Variants in FHOD3 observed in about 807,000 individuals in gnomAD.
FHOD3 encodes formin homology 2 domain containing 3, also known as FH1/FH2 domain-containing protein 3.
FHOD3 carries 90 observed loss-of-function variants against 173.0 expected under a neutral mutation model. The ratio of observed to expected loss-of-function variants is 0.52; its 90% CI spans 0.44 to 0.62. The LOEUF is 0.62. Among genes scored for constraint, FHOD3 ranks in the 20% least tolerant of loss-of-function variants. FHOD3 has a pLI of 0.00. For missense variants in FHOD3, 1,945 were observed against 2,034.7 expected (o/e 0.96, Z 0.85); for synonymous variants, 828 against 823.0 (o/e 1.01, Z -0.10).
At chr18:36,648,102 A>G (rs1166764424) in intron 10 of FHOD3, among the ~76,000 whole-genome samples, 1 of 152,240 alleles carries the variant, frequency 6.6e-6, no homozygotes, top group Non-Finnish European at 1.5e-5. Flanking sequence ...ACTGAAAGCA[A>G]GAAGATGCTG....
intron 10 of FHOD3, among the ~76,000 whole-genome samples, chr18:36,630,355 A>G (rs1310666932): frequency 6.6e-6 from 1 of 151,780 alleles, no homozygotes; most frequent in South Asian, 2.1e-4. Flanking sequence ...GGGCTACTAC[A>G]TGGTTTACAG....
In FHOD3 at chr18:36,388,453, C is replaced by T. The variant is rs191802596; in HGVS notation, c.337+15709C>T. On this transcript the variant is annotated intron_variant, in intron 3 of 28. Transcript: ENST00000590592. ...GGCCATAGCTAGCGCCAGTTGTGTT[C>T]ATGTCCATCTTGCCTTCTTTGCAGC... Among the ~76,000 whole-genome samples the T allele has an allele frequency of 1.3e-3, 195 of 152,354 alleles. 2 individuals carry two copies. The highest frequency in any genetic ancestry group is 4.4e-3 in the African/African-American group (183 of 41,590).
At chr18:36,692,045 G>T (rs62084014) in intron 16 of FHOD3, among the ~76,000 whole-genome samples, 24,395 of 152,196 alleles carry the variant, frequency 0.16, 2,080 homozygotes, top group Non-Finnish European at 0.18. Flanking sequence ...GGTGGTCAAG[G>T]CAGCCTTCCT....
chr18:36,509,972 C>T (rs532312461), intron 4 of FHOD3, among the ~76,000 whole-genome samples: 63 of 152,304 alleles, frequency 4.1e-4, no homozygotes, highest in Non-Finnish European at 8.5e-4. Context: ...CACAGGGCAG[C>T]GATGCATGGG....
rs144330419 is a variant in FHOD3 at position 36,418,870 on chromosome 18, C to T, written c.337+46126C>T. On this transcript the variant is annotated intron_variant, in intron 3 of 28. Coordinates refer to ENST00000590592, the MANE Select transcript of FHOD3 (RefSeq NM_001281740.3). ...CAGAGGTTGCAATGAGCCGAGATCG[C>T]GCCATTGCACTCCAGCCTGGGCGAC... Among the ~76,000 whole-genome samples, 68 of 152,134 alleles carry T rather than the reference C, an allele frequency of 4.5e-4. No homozygotes were observed. The East Asian group carries it at 0.011, about 24-fold the overall frequency.
chr18:36,470,020 T>G (rs1449189694), intron 3 of FHOD3, among the ~76,000 whole-genome samples: 1 of 152,136 alleles, frequency 6.6e-6, no homozygotes, highest in Non-Finnish European at 1.5e-5. Flanking sequence ...CCTAGAAGTT[T>G]AGGAAATTGG....
intron 5 of FHOD3, among the ~76,000 whole-genome samples, chr18:36,526,962 T>C (rs2056547363): frequency 1.3e-5 from 2 of 152,252 alleles, no homozygotes; most frequent in Admixed American, 6.5e-5. Context: ...GAACCAAGAA[T>C]AGCTGAACCT....
At chr18:36,684,756 G>C (rs1219456111) in intron 15 of FHOD3, among the ~76,000 whole-genome samples, 3 of 152,106 alleles carry the variant, frequency 2.0e-5, no homozygotes, top group African/African-American at 7.2e-5. Context: ...TCGTGTCATC[G>C]GAGTCCCAGA....
At chr18:36,420,103 C>G (rs990895036) in intron 3 of FHOD3, among the ~76,000 whole-genome samples, 4 of 152,164 alleles carry the variant, frequency 2.6e-5, no homozygotes, top group African/African-American at 7.2e-5. Flanking sequence ...GAATGCGGAG[C>G]CTGGAAAGGG....
chr18:36,747,709 A>C (rs2042214160), intron 24 of FHOD3, among the ~76,000 whole-genome samples: 1 of 152,188 alleles, frequency 6.6e-6, no homozygotes, highest in East Asian at 1.9e-4. Flanking sequence ...TGTTGTGCCC[A>C]CAAGGAGAAT....
At chr18:36,472,928 G>T (rs765057595) in intron 3 of FHOD3, among the ~76,000 whole-genome samples, 2 of 152,166 alleles carry the variant, frequency 1.3e-5, no homozygotes, top group Non-Finnish European at 2.9e-5. Context: ...TGTGATTGTT[G>T]TGAGCACTTT....
At chr18:36,368,785 A>C (rs2047023749) in intron 2 of FHOD3, among the ~76,000 whole-genome samples, 2 of 152,176 alleles carry the variant, frequency 1.3e-5, no homozygotes, top group African/African-American at 4.8e-5. Context: ...GTGGCAGGTG[A>C]GAGTGAGTGA....
Position 36,772,644 on chromosome 18 carries a change from G to A in FHOD3, c.4786+3218G>A, listed in dbSNP as rs180821474. ...GTGACTGAGCCCACACATGCCGAACGTCCCACTGAAGCCTGAACTTTGCAG... is the reference window on the plus strand; with the variant it reads ...GTGACTGAGCCCACACATGCCGAACATCCCACTGAAGCCTGAACTTTGCAG... On this transcript the variant is annotated intron_variant, in intron 28 of 28. Transcript: ENST00000590592. Among the ~76,000 whole-genome samples, 7 of 152,332 alleles carry A rather than the reference G, an allele frequency of 4.6e-5. No homozygotes were observed. The East Asian group carries it at 1.2e-3, about 25-fold the overall frequency.
chr18:36,430,284 T>C (rs557940080), intron 3 of FHOD3, among the ~76,000 whole-genome samples: 1 of 152,352 alleles, frequency 6.6e-6, no homozygotes, highest in South Asian at 2.1e-4. Flanking sequence ...TGGCACGATC[T>C]TGGCTCACCA....
At chr18:36,337,768 C>G (rs1020352955) in intron 1 of FHOD3, among the ~76,000 whole-genome samples, 1 of 152,156 alleles carries the variant, frequency 6.6e-6, no homozygotes, top group Non-Finnish European at 1.5e-5. Context: ...TTAATTATAG[C>G]TCACACCAAC....
intron 3 of FHOD3, among the ~76,000 whole-genome samples, chr18:36,434,511 GT>G (rs2050714637): frequency 1.3e-5 from 2 of 152,030 alleles, no homozygotes; most frequent in Admixed American, 1.3e-4. Context: ...CAAATTCTTT[GT>G]CAAAATTATT....
At chr18:36,760,510 C>A in intron 26 of FHOD3, 98 bp from the exon 27 acceptor site, 1 of 1,171,460 alleles carries the variant, frequency 8.5e-7, no homozygotes, top group Non-Finnish European at 1.2e-6. Context: ...CAAAACAAGA[C>A]AGAGGAGAGG....
chr18:36,750,794 AG>A (rs748354307), intron 24 of FHOD3, among the ~76,000 whole-genome samples: 69 of 152,202 alleles, frequency 4.5e-4, no homozygotes, highest in Non-Finnish European at 8.1e-4. Flanking sequence ...AGATGGTCAT[AG>A]GTGTGTGACC....
At chr18:36,560,735 A>G (rs2058052398) in intron 5 of FHOD3, among the ~76,000 whole-genome samples, 2 of 152,136 alleles carry the variant, frequency 1.3e-5, no homozygotes, top group Admixed American at 1.3e-4. Flanking sequence ...GTTTGGGTTG[A>G]AAGACTGGAG....
Sources: allele counts gnomAD v4.1 joint callset (sites outside exome capture counted in the v4.1 genomes callset), GRCh38; gene constraint gnomAD v4.1.1; transcripts MANE v1.5; gene names NCBI Gene and HGNC (gene_info 2026-07-23, HGNC 2026-07-21).